Variants in VTI1A observed in about 807,000 individuals in gnomAD.
The protein encoded by VTI1A is vesicle transport through interaction with t-SNAREs homolog 1A.
In VTI1A, 22 loss-of-function variants were observed where a neutral mutation model predicts 34.9. That is an observed-to-expected ratio of 0.63 (90% CI 0.45 to 0.90). The LOEUF is 0.90. Among genes scored for constraint, VTI1A ranks in the 40% least tolerant of loss-of-function variants. The pLI, the probability that VTI1A is intolerant of heterozygous loss-of-function variation, is 0.00. For missense variants in VTI1A, 268 were observed against 275.6 expected (o/e 0.97, Z 0.20); for synonymous variants, 87 against 97.3 (o/e 0.89, Z 0.62).
intron 7 of VTI1A, among the ~76,000 whole-genome samples, chr10:112,758,736 C>G (rs1450758378): frequency 1.3e-5 from 2 of 152,246 alleles, no homozygotes; most frequent in African/African-American, 4.8e-5. Flanking sequence ...TAGAAAATCC[C>G]TCCAAGTGTG....
chr10:112,529,466 G>T (rs1056782990), intron 4 of VTI1A, among the ~76,000 whole-genome samples: 2 of 152,022 alleles, frequency 1.3e-5, no homozygotes, highest in Non-Finnish European at 2.9e-5. Flanking sequence ...AGCTCTTTCT[G>T]TAAAGAAAGA....
intron 7 of VTI1A, among the ~76,000 whole-genome samples, chr10:112,765,261 T>A (rs1851608996): frequency 6.6e-6 from 1 of 152,230 alleles, no homozygotes; most frequent in Admixed American, 6.5e-5. Context: ...CAGGCTGGAG[T>A]GCAGTTGGCA....
In VTI1A at chr10:112,818,114, A is replaced by G. The variant is rs547128612; in HGVS notation, c.*2731A>G. The G allele has an allele frequency of 1.3e-5, 3 of 233,556 alleles. No individual in the cohort carries two copies. In the East Asian group the frequency reaches 1.8e-4, roughly 14 times the overall value. 14.5% of individuals were successfully genotyped at this position (233,556 alleles called of 1,614,324 possible). A position where few individuals can be genotyped will look rare whatever the true frequency, so the allele number is the denominator to read the frequency against. On this transcript the variant is annotated 3_prime_UTR_variant, in exon 8 of 8. Transcript: ENST00000393077. ...TGGGAGGCCATTTGCTATTCTGTTT[A>G]AGGCAGGCTGGATTGTCTTATTTTG...
chr10:112,510,055 C>A (rs73365022), intron 3 of VTI1A, among the ~76,000 whole-genome samples: 2 of 152,126 alleles, frequency 1.3e-5, no homozygotes, highest in East Asian at 3.9e-4. Flanking sequence ...ACATTCAATC[C>A]CTGTCCAGTG....
chr10:112,632,704 G>T (rs1328037929), intron 5 of VTI1A, among the ~76,000 whole-genome samples: 1 of 152,160 alleles, frequency 6.6e-6, no homozygotes, highest in African/African-American at 2.4e-5. Context: ...CCATAAGGGG[G>T]TTAGGGAAGA....
At chr10:112,526,363 C>G (rs1437011796) in intron 3 of VTI1A, among the ~76,000 whole-genome samples, 2 of 152,168 alleles carry the variant, frequency 1.3e-5, no homozygotes, top group African/African-American at 2.4e-5. Context: ...AAAGTTGACT[C>G]ATAGCCTACT....
intron 5 of VTI1A, among the ~76,000 whole-genome samples, chr10:112,595,187 A>AG (rs1426838819): frequency 5.8e-5 from 8 of 137,026 alleles, no homozygotes; most frequent in Non-Finnish European, 9.4e-5. Flanking sequence ...CTTAAACATT[A>AG]GACCTAAAAC....
intron 5 of VTI1A, among the ~76,000 whole-genome samples, chr10:112,656,987 A>G (rs1466054971): frequency 2.0e-5 from 3 of 151,640 alleles, no homozygotes; most frequent in Admixed American, 2.0e-4. Flanking sequence ...CCTTCCCCTC[A>G]CTCTCTTGGT....
At chr10:112,591,294 G>A (rs1228634639) in intron 5 of VTI1A, among the ~76,000 whole-genome samples, 2 of 152,200 alleles carry the variant, frequency 1.3e-5, no homozygotes, top group African/African-American at 4.8e-5. Flanking sequence ...GCCGAGGCAG[G>A]CGGATCATGA....
At chr10:112,671,496 G>A (rs1847843691) in intron 7 of VTI1A, among the ~76,000 whole-genome samples, 1 of 152,176 alleles carries the variant, frequency 6.6e-6, no homozygotes, top group East Asian at 1.9e-4. Context: ...ATATTCTGTA[G>A]TATACCAAAC....
chr10:112,451,590 C>T (rs931998466), intron 1 of VTI1A, among the ~76,000 whole-genome samples: 6 of 152,116 alleles, frequency 3.9e-5, no homozygotes, highest in Admixed American at 2.6e-4. Context: ...GGGGGGCAGT[C>T]GGAGGAGAGA....
chr10:112,619,924 A>G (rs1845661819), intron 5 of VTI1A, among the ~76,000 whole-genome samples: 1 of 152,144 alleles, frequency 6.6e-6, no homozygotes, highest in Non-Finnish European at 1.5e-5. Flanking sequence ...CATGGAGAAC[A>G]TGGCTGTCCA....
chr10:112,578,168 T>C (rs1288214581), intron 5 of VTI1A, among the ~76,000 whole-genome samples: 1 of 152,238 alleles, frequency 6.6e-6, no homozygotes, highest in East Asian at 1.9e-4. Context: ...AGGAAAGCAT[T>C]TCAGACAGTA....
chr10:112,450,215 G>A (rs1351140047), intron 1 of VTI1A: 1 of 152,188 alleles, frequency 6.6e-6, no homozygotes, highest in African/African-American at 2.4e-5. Flanking sequence ...TAAAAACGCA[G>A]TAGTTGCCCT....
intron 3 of VTI1A, among the ~76,000 whole-genome samples, chr10:112,502,517 A>G (rs1257592417): frequency 1.3e-5 from 2 of 152,250 alleles, no homozygotes; most frequent in South Asian, 2.1e-4. Context: ...TAAATACAGT[A>G]TATTAGAAGG....
intron 4 of VTI1A, among the ~76,000 whole-genome samples, chr10:112,537,329 A>ATATATATATATATG (rs1434590423): frequency 3.3e-5 from 4 of 122,806 alleles, no homozygotes; most frequent in Admixed American, 2.4e-4. Context: ...ATATATATAT[A>ATATATATATATATG]TATATATATC....
chr10:112,571,814 AAG>A (rs907414271), intron 5 of VTI1A, among the ~76,000 whole-genome samples: 3 of 152,226 alleles, frequency 2.0e-5, no homozygotes, highest in African/African-American at 7.2e-5. Context: ...AGCCATAAAA[AAG>A]AACACAATCA....
At chr10:112,700,558 A>T (rs141263392) in intron 7 of VTI1A, among the ~76,000 whole-genome samples, 36 of 152,358 alleles carry the variant, frequency 2.4e-4, no homozygotes, top group Non-Finnish European at 4.7e-4. Context: ...CAAAGAACTC[A>T]TAAGTATCAG....
intron 5 of VTI1A, among the ~76,000 whole-genome samples, chr10:112,597,362 C>A (rs1043802632): frequency 3.3e-5 from 5 of 152,084 alleles, no homozygotes; most frequent in African/African-American, 1.2e-4. Flanking sequence ...GGATTACAGG[C>A]GTGCGTCACC....
Sources: allele counts gnomAD v4.1 joint callset (sites outside exome capture counted in the v4.1 genomes callset), GRCh38; gene constraint gnomAD v4.1.1; transcripts MANE v1.5; gene names NCBI Gene and HGNC (gene_info 2026-07-23, HGNC 2026-07-21).